Variants in CSMD1 observed in about 807,000 individuals in gnomAD.
CSMD1 encodes CUB and Sushi multiple domains 1.
In CSMD1, 213 loss-of-function variants were observed where a neutral mutation model predicts 417.5. The observed-to-expected ratio is 0.51, with a 90% confidence interval of 0.46 to 0.57. The LOEUF (loss-of-function observed/expected upper bound fraction) is 0.57, where lower values mean the gene tolerates loss of function less well. Among genes scored for constraint, CSMD1 ranks in the 20% least tolerant of loss-of-function variants. CSMD1 has a pLI of 0.00. For missense variants in CSMD1, 6,923 were observed against 4,529.7 expected (o/e 1.53, Z -15.17); for synonymous variants, 2,862 against 1,736.8 (o/e 1.65, Z -16.11).
At chr8:3,838,481 G>T (rs1363501573) in intron 5 of CSMD1, among the ~76,000 whole-genome samples, 2 of 132,830 alleles carry the variant, frequency 1.5e-5, no homozygotes, top group African/African-American at 5.6e-5. Flanking sequence ...ATTATATATA[G>T]CCTATAGATA....
chr8:3,952,726 A>G (rs997917693), intron 5 of CSMD1, among the ~76,000 whole-genome samples: 3 of 152,218 alleles, frequency 2.0e-5, no homozygotes, highest in Non-Finnish European at 4.4e-5. Context: ...TGAATTGGAC[A>G]TTTTAAAATG....
At chr8:4,708,657 C>G (rs1035593522) in intron 1 of CSMD1, among the ~76,000 whole-genome samples, 1 of 151,790 alleles carries the variant, frequency 6.6e-6, no homozygotes. Flanking sequence ...ATTATAGACA[C>G]CATCCTAACC....
At chr8:3,492,299 T>A (rs1310332357) in intron 11 of CSMD1, among the ~76,000 whole-genome samples, 2 of 152,024 alleles carry the variant, frequency 1.3e-5, no homozygotes, top group East Asian at 3.9e-4. Flanking sequence ...ATAAGGAGAC[T>A]TTTCTCCTCA....
chr8:3,432,328 T>G (rs6987378), intron 12 of CSMD1, among the ~76,000 whole-genome samples: 118,953 of 151,960 alleles, frequency 0.78, 46,933 homozygotes, highest in African/African-American at 0.88. Flanking sequence ...AAAAAATCAT[T>G]TAAAGTGTTT....
intron 5 of CSMD1, among the ~76,000 whole-genome samples, chr8:3,830,882 T>G (rs1802337535): frequency 6.6e-6 from 1 of 152,204 alleles, no homozygotes; most frequent in Non-Finnish European, 1.5e-5. Flanking sequence ...TCATCGAGGT[T>G]CACTACGTTA....
intron 11 of CSMD1, among the ~76,000 whole-genome samples, chr8:3,480,471 C>T (rs1302316618): frequency 6.6e-6 from 1 of 152,094 alleles, no homozygotes; most frequent in East Asian, 1.9e-4. Context: ...TATTTTTTAT[C>T]ATTAGAATTC....
chr8:4,465,300 G>C (rs762536171), intron 2 of CSMD1, among the ~76,000 whole-genome samples: 2 of 152,122 alleles, frequency 1.3e-5, no homozygotes, highest in Non-Finnish European at 1.5e-5. Context: ...CCAGACACTA[G>C]GATGTCTTGG....
At chr8:4,929,428 T>C (rs1052817918) in intron 1 of CSMD1, among the ~76,000 whole-genome samples, 7 of 152,334 alleles carry the variant, frequency 4.6e-5, no homozygotes, top group Middle Eastern at 3.4e-3. Context: ...TAGGCATTTC[T>C]ATTAGAAGTT....
intron 3 of CSMD1, among the ~76,000 whole-genome samples, chr8:4,149,839 T>C (rs1796475597): frequency 6.6e-6 from 1 of 152,216 alleles, no homozygotes; most frequent in Non-Finnish European, 1.5e-5. Context: ...TGGTTCATTC[T>C]CTTTATAAAT....
chr8:4,004,684 G>C (rs1180503144), intron 4 of CSMD1, among the ~76,000 whole-genome samples: 1 of 151,996 alleles, frequency 6.6e-6, no homozygotes, highest in Non-Finnish European at 1.5e-5. Context: ...AAAAGATTCA[G>C]CTGGTTAGGT....
intron 41 of CSMD1, among the ~76,000 whole-genome samples, chr8:3,129,971 A>G (rs1817709035): frequency 6.6e-6 from 1 of 151,946 alleles, no homozygotes; most frequent in Non-Finnish European, 1.5e-5. Context: ...ACAGAGTGAG[A>G]CTCTGTCCCA....
intron 39 of CSMD1, among the ~76,000 whole-genome samples, chr8:3,153,424 T>C (rs933929776): frequency 6.6e-6 from 1 of 152,196 alleles, no homozygotes; most frequent in Non-Finnish European, 1.5e-5. Context: ...ACTCTACGGA[T>C]TCGTCCTGAA....
chr8:3,918,352 G>C (rs543270734), intron 5 of CSMD1, among the ~76,000 whole-genome samples: 2 of 151,880 alleles, frequency 1.3e-5, no homozygotes, highest in African/African-American at 4.8e-5. Flanking sequence ...CCCCACGTCC[G>C]CATCAACACA....
intron 1 of CSMD1, among the ~76,000 whole-genome samples, chr8:4,774,333 T>C (rs1360057801): frequency 6.6e-6 from 1 of 152,184 alleles, no homozygotes; most frequent in Admixed American, 6.6e-5. Context: ...GGCAGGTCTC[T>C]CAAAACTGAA....
intron 14 of CSMD1, among the ~76,000 whole-genome samples, chr8:3,407,388 G>A (rs189486888): frequency 2.6e-5 from 4 of 151,234 alleles, no homozygotes; most frequent in East Asian, 2.0e-4. Flanking sequence ...TTGATGGAAC[G>A]ATGGATGGAT....
intron 8 of CSMD1, among the ~76,000 whole-genome samples, chr8:3,603,549 A>C (rs1191248517): frequency 6.6e-6 from 1 of 152,224 alleles, no homozygotes; most frequent in African/African-American, 2.4e-5. Context: ...TGGTTCAAGA[A>C]ATAAGATCAT....
chr8:2,939,948 T>C (rs1801751006), intron 69 of CSMD1, among the ~76,000 whole-genome samples: 1 of 151,524 alleles, frequency 6.6e-6, no homozygotes, highest in Non-Finnish European at 1.5e-5. Flanking sequence ...AATCCCAGAG[T>C]GGAACTGGCT....
chr8:3,346,192 G>A (rs888094633), intron 22 of CSMD1, among the ~76,000 whole-genome samples: 7 of 152,116 alleles, frequency 4.6e-5, no homozygotes, highest in African/African-American at 1.7e-4. Context: ...GTAATTAAAT[G>A]TGAGAAGCAC....
At chr8:3,192,775 G>C (rs969773407) in intron 33 of CSMD1, among the ~76,000 whole-genome samples, 1 of 152,088 alleles carries the variant, frequency 6.6e-6, no homozygotes, top group Non-Finnish European at 1.5e-5. Flanking sequence ...TTTTTCCTTT[G>C]TGGAGTCATG....
Sources: allele counts gnomAD v4.1 joint callset (sites outside exome capture counted in the v4.1 genomes callset), GRCh38; gene constraint gnomAD v4.1.1; transcripts MANE v1.5; gene names NCBI Gene and HGNC (gene_info 2026-07-23, HGNC 2026-07-21).